The following TMEM116 variants were observed in gnomAD, a reference collection of about 807,000 sequenced individuals.
TMEM116 encodes the protein transmembrane protein 116.
Under a neutral mutation model 44.3 loss-of-function variants are expected in TMEM116, and 38 were observed. The ratio of observed to expected loss-of-function variants is 0.86; its 90% CI spans 0.66 to 1.12. The LOEUF (loss-of-function observed/expected upper bound fraction) is 1.12. Ranked by LOEUF, TMEM116 falls within the 50% of genes most tolerant of loss-of-function variation. The probability of loss-of-function intolerance (pLI) is 0.00; values close to 1 mark genes in which losing one functional copy is unlikely to be tolerated. For synonymous variants in TMEM116, 132 were observed against 144.8 expected (o/e 0.91, Z 0.64); for missense variants, 354 against 401.7 (o/e 0.88, Z 1.01).
intron 4 of TMEM116, among the ~76,000 whole-genome samples, chr12:111,954,029 T>C (rs2073919529): frequency 6.6e-6 from 1 of 152,162 alleles, no homozygotes; most frequent in Non-Finnish European, 1.5e-5. Flanking sequence ...AGTTTAATGT[T>C]TAAAAAACCA....
intron 3 of TMEM116, chr12:111,993,049 A>G: frequency 5.7e-6 from 1 of 176,576 alleles, no homozygotes; most frequent in South Asian, 1.3e-4. Context: ...CCACACCTGC[A>G]GCTGGTGGAC....
At position 111,934,046 on chromosome 12, in the gene TMEM116, G is replaced by A; in HGVS notation, c.589-16C>T. 6.2e-7 allele frequency: 1 copy of A among 1,613,572 alleles called. No homozygotes were observed. ...TAAGTAAGACCTAAATATGAGTACA[G>A]CAGTGAGCAGTTTGCTTAAAGCTTA... On this transcript the variant is annotated splice_polypyrimidine_tract_variant and intron_variant, in intron 8 of 10. Coordinates refer to ENST00000552374, the MANE Select transcript of TMEM116 (RefSeq NM_001193531.2).
At chr12:111,993,333 G>A in intron 3 of TMEM116, 1 of 508,062 alleles carries the variant, frequency 2.0e-6, no homozygotes, top group South Asian at 1.6e-5. Flanking sequence ...GGAGGATGGT[G>A]TTCATTCTTT....
At chr12:112,012,219 T>C (rs1260594313) in intron 1 of TMEM116, 1 of 152,256 alleles carries the variant, frequency 6.6e-6, no homozygotes, top group Non-Finnish European at 1.5e-5. Flanking sequence ...ACCTCCTGTC[T>C]ACAACTTCCT....
chr12:111,999,326 G>A lies in TMEM116; in HGVS notation c.78+4474C>T, dbSNP rs994464315. Among the ~76,000 whole-genome samples the A allele has an allele frequency of 5.3e-5, 8 of 152,096 alleles. No individual in the cohort carries two copies. The East Asian group carries it at 7.7e-4, about 15-fold the overall frequency. On this transcript the variant is annotated intron_variant, in intron 3 of 10. Transcript: ENST00000552374. ...AAAATATTGTAACTTGGCCGGGCGC[G>A]GTGACTCACGCCTGTAATCCCAGCA...
In TMEM116 at chr12:111,998,319, G is replaced by C. The variant is rs556274041; in HGVS notation, c.78+5481C>G. ...AGGGTTACATTGGACTATTTTAGTA[G>C]CTGGGCTTGTGAAAATATTAATTAT... is the stretch of plus-strand genomic sequence containing the variant. On this transcript the variant is annotated intron_variant, in intron 3 of 10. Transcript: ENST00000552374. Among the ~76,000 whole-genome samples, 20 of 152,318 alleles carry C rather than the reference G, an allele frequency of 1.3e-4. No homozygotes were observed. The South Asian group carries it at 3.1e-3, about 24-fold the overall frequency.
Position 111,957,545 on chromosome 12 carries a change from C to T in TMEM116, c.211-14176G>A, listed in dbSNP as rs535019126. The stretch of plus-strand genomic sequence containing the variant: ...CCCCGTCCGGGAGGTGGGGGGCAGC[C>T]CCCGCCCAGCCAGCCGCCCCGTCTG... On this transcript the variant is annotated intron_variant, in intron 4 of 10. Coordinates refer to ENST00000552374, the MANE Select transcript of TMEM116 (RefSeq NM_001193531.2). Among the ~76,000 whole-genome samples, 4 of 150,616 alleles carry T rather than the reference C, an allele frequency of 2.7e-5. No individual in the cohort carries two copies. In the South Asian group the frequency reaches 8.4e-4, roughly 32 times the overall value.
chr12:111,970,587 T>G (rs2075274902), intron 4 of TMEM116, among the ~76,000 whole-genome samples: 1 of 73,846 alleles, frequency 1.4e-5, no homozygotes, highest in South Asian at 4.4e-4. Context: ...ATCAAATGGG[T>G]TTTTTTTTTT....
intron 4 of TMEM116, among the ~76,000 whole-genome samples, chr12:111,968,203 C>T (rs1040283223): frequency 6.6e-6 from 1 of 152,110 alleles, no homozygotes; most frequent in African/African-American, 2.4e-5. Context: ...TTAGATAGAA[C>T]AGTATCTAGA....
At chr12:112,008,798 CCT>C (rs1052723111) in intron 1 of TMEM116, among the ~76,000 whole-genome samples, 2 of 151,840 alleles carry the variant, frequency 1.3e-5, no homozygotes, top group African/African-American at 4.8e-5. Flanking sequence ...ATGGTGAAAT[CCT>C]CTCTCTACTA....
At chr12:112,010,483 G>A (rs906549921) in intron 1 of TMEM116, 1 of 152,268 alleles carries the variant, frequency 6.6e-6, no homozygotes, top group African/African-American at 2.4e-5. Flanking sequence ...CCTCCAGTGG[G>A]TATTTCCTCT....
chr12:111,942,348 C>T (rs1462028224), intron 5 of TMEM116, among the ~76,000 whole-genome samples: 1 of 152,134 alleles, frequency 6.6e-6, no homozygotes, highest in Non-Finnish European at 1.5e-5. Flanking sequence ...TCTCGGCTCA[C>T]TGCAAGCTCC....
chr12:111,938,359 CAAAT>C (rs1376656995), intron 5 of TMEM116, 149 bp from the exon 6 acceptor site: 1 of 505,162 alleles, frequency 2.0e-6, no homozygotes, highest in Non-Finnish European at 3.5e-6. Flanking sequence ...TAAAATTCAT[CAAAT>C]AGATAGTTCC....
At chr12:111,979,117 C>T (rs1017899029) in intron 4 of TMEM116, among the ~76,000 whole-genome samples, 3 of 151,900 alleles carry the variant, frequency 2.0e-5, no homozygotes. Context: ...GATCCATGAT[C>T]CATGAAAGAA....
At chr12:111,956,586 G>A (rs994927827) in intron 4 of TMEM116, among the ~76,000 whole-genome samples, 10 of 152,256 alleles carry the variant, frequency 6.6e-5, no homozygotes, top group South Asian at 4.1e-4. Context: ...CTATACTGCC[G>A]CCATCTCGGC....
chr12:111,936,715 C>T lies in TMEM116; in HGVS notation c.565G>A (p.Val189Ile), dbSNP rs888677387. 1 of 1,613,936 alleles carries T rather than the reference C, an allele frequency of 6.2e-7. No individual in the cohort carries two copies. Among genetic ancestry groups the T allele is most frequent in the Non-Finnish European group, 8.5e-7 (1 of 1,179,958 alleles). ...YGIAIFLGSF[V>I]LSLLTIMVLL... ...ACCATAATGGTAAGGAGGCTGAGTA[C>T]AAAGCTGCCCAGGAAAATGGCGATA... The change falls in exon 8 of 11, where the codon GTA (valine) becomes ATA (isoleucine). Residue 189 changes from valine (V) to isoleucine (I), a missense_variant. Physicochemically the swap from Val to Ile is conservative, Grantham distance 29 (BLOSUM62 3). Transcript: ENST00000552374.
At chr12:112,012,941 G>A (rs2077917924) in intron 1 of TMEM116, 61 bp downstream of exon 1, 1 of 155,226 alleles carries the variant, frequency 6.4e-6, no homozygotes, top group Admixed American at 6.5e-5. Context: ...CTGCCCGCCT[G>A]GGTCAGGGTG....
intron 4 of TMEM116, among the ~76,000 whole-genome samples, chr12:111,981,697 G>A (rs1593517130): frequency 6.6e-6 from 1 of 152,122 alleles, no homozygotes; most frequent in Admixed American, 6.5e-5. Context: ...GAAAGAGGCT[G>A]GGGAAGGAAA....
intron 4 of TMEM116, among the ~76,000 whole-genome samples, chr12:111,977,178 A>C (rs1281776787): frequency 6.6e-6 from 1 of 152,204 alleles, no homozygotes; most frequent in Non-Finnish European, 1.5e-5. Context: ...TCATATTCAA[A>C]CTGCAGAAAA....
Sources: gnomAD v4.1 joint callset for allele counts (sites outside exome capture counted in the v4.1 genomes callset) on GRCh38, gnomAD v4.1.1 for gene constraint, MANE v1.5 for transcripts, NCBI Gene and HGNC (gene_info 2026-07-23, HGNC 2026-07-21) for gene names.